SMAD9: variants seen among roughly 807,000 people sequenced by gnomAD.
SMAD9 encodes the protein SMAD family member 9.
A neutral mutation model predicts 46.1 loss-of-function variants in SMAD9; 36 were observed. That is an observed-to-expected ratio of 0.78 (90% CI 0.60 to 1.03). The LOEUF (loss-of-function observed/expected upper bound fraction) is 1.03. Ranked by LOEUF, SMAD9 falls within the 50% of genes least tolerant of loss-of-function variation. The pLI, the probability that SMAD9 is intolerant of heterozygous loss-of-function variation, is 0.00. For missense variants in SMAD9, 572 were observed against 599.8 expected (o/e 0.95, Z 0.48); for synonymous variants, 245 against 237.1 (o/e 1.03, Z -0.31).
chr13:36,904,040 C>T (rs2058599253), intron 1 of SMAD9, among the ~76,000 whole-genome samples: 1 of 151,928 alleles, frequency 6.6e-6, no homozygotes, highest in Admixed American at 6.6e-5. Context: ...ATGTAAACTG[C>T]CACTGAATAA....
chr13:36,869,239 T>C (rs530495801), intron 3 of SMAD9, among the ~76,000 whole-genome samples: 1 of 141,226 alleles, frequency 7.1e-6, no homozygotes, highest in South Asian at 2.3e-4. Flanking sequence ...CAGATTGTAC[T>C]TTTTTTTTTT....
intron 1 of SMAD9, among the ~76,000 whole-genome samples, chr13:36,882,296 GA>G (rs148514173): frequency 0.018 from 2,742 of 151,392 alleles, 77 homozygotes; most frequent in African/African-American, 0.063. Flanking sequence ...GGTTACAATG[GA>G]AAATTTACTT....
intron 1 of SMAD9, among the ~76,000 whole-genome samples, chr13:36,894,367 C>T (rs554415611): frequency 9.2e-5 from 14 of 152,182 alleles, no homozygotes; most frequent in African/African-American, 1.9e-4. Flanking sequence ...TCTTGTCTGC[C>T]GCCATGAAAG....
intron 2 of SMAD9, among the ~76,000 whole-genome samples, chr13:36,873,325 C>A (rs1020162722): frequency 6.6e-6 from 1 of 152,096 alleles, no homozygotes; most frequent in Non-Finnish European, 1.5e-5. Context: ...CCAAATAAGT[C>A]TTTTTTTCCC....
chr13:36,857,319 C>G (rs1174603349), intron 5 of SMAD9, among the ~76,000 whole-genome samples: 1 of 152,196 alleles, frequency 6.6e-6, no homozygotes, highest in Non-Finnish European at 1.5e-5. Flanking sequence ...GTTCTAACTC[C>G]TAGCAATAAG....
At position 36,872,726 on chromosome 13, in the gene SMAD9, G is replaced by C; in HGVS notation, c.602C>G (p.Pro201Arg). The change falls in exon 3 of 7, where the codon CCG becomes CGG. Residue 201 changes from proline (P) to arginine (R), a missense_variant. Physicochemically the swap from Pro to Arg is moderately radical, Grantham distance 103 (BLOSUM62 -2). Transcript: ENST00000379826. The part of the protein sequence containing the change: ...PSPSHAFSQS[P>R]CTASYPHSPG... The stretch of plus-strand genomic sequence containing the variant: ...GGAGTGAGGGTAGCTGGCCGTGCAC[G>C]GGGACTGGGAGAACGCGTGGCTGGG... 1 of 1,613,996 alleles carries C rather than the reference G, an allele frequency of 6.2e-7. No homozygotes were observed. Among genetic ancestry groups the C allele is most frequent in the Non-Finnish European group, 8.5e-7 (1 of 1,179,992 alleles).
At chr13:36,915,947 ACAT>A (rs1406115956) in intron 1 of SMAD9, among the ~76,000 whole-genome samples, 4 of 152,216 alleles carry the variant, frequency 2.6e-5, no homozygotes, top group African/African-American at 4.8e-5. Context: ...CTATTTTTTC[ACAT>A]CATATTAACT....
intron 5 of SMAD9, among the ~76,000 whole-genome samples, chr13:36,860,978 C>T (rs1475205414): frequency 6.6e-6 from 1 of 152,144 alleles, no homozygotes; most frequent in African/African-American, 2.4e-5. Context: ...CTGTTAGTAG[C>T]TATTTAAAGC....
At chr13:36,852,603 T>C in intron 6 of SMAD9, 1 of 979,752 alleles carries the variant, frequency 1.0e-6, no homozygotes, top group African/African-American at 1.7e-5. Context: ...CCCGTTTCTA[T>C]TCCAAATTGT....
At chr13:36,886,439 A>G (rs1325339934) in intron 1 of SMAD9, among the ~76,000 whole-genome samples, 1 of 152,232 alleles carries the variant, frequency 6.6e-6, no homozygotes, top group African/African-American at 2.4e-5. Context: ...TCAATCTCCA[A>G]AACGTTGTGG....
chr13:36,889,579 A>C (rs181251320), intron 1 of SMAD9, among the ~76,000 whole-genome samples: 84 of 152,300 alleles, frequency 5.5e-4, no homozygotes, highest in Admixed American at 9.2e-4. Context: ...TATTTTTATT[A>C]GACTGCTTTG....
chr13:36,889,384 CCTTT>C (rs1335876346), intron 1 of SMAD9, among the ~76,000 whole-genome samples: 3 of 152,276 alleles, frequency 2.0e-5, no homozygotes, highest in Non-Finnish European at 4.4e-5. Context: ...GTAGTGACCA[CCTTT>C]CTAACAGGGA....
chr13:36,848,582 T>G lies in SMAD9; in HGVS notation c.*94A>C. On this transcript the variant is annotated 3_prime_UTR_variant, in exon 7 of 7. Transcript: ENST00000379826. ...AGTATACATTCTATGTATTTACACA[T>G]GTTTTTAGAAACTTCAGTTGCAAAT... The G allele has an allele frequency of 8.6e-7, 1 of 1,167,508 alleles. No individual in the cohort carries two copies. The highest frequency in any genetic ancestry group is 1.3e-6 in the Non-Finnish European group (1 of 773,814). 72.3% of individuals were successfully genotyped at this position (1,167,508 alleles called of 1,614,324 possible).
chr13:36,910,053 C>T (rs1203489295), intron 1 of SMAD9, among the ~76,000 whole-genome samples: 3 of 151,956 alleles, frequency 2.0e-5, no homozygotes, highest in African/African-American at 7.3e-5. Context: ...AAAAATTATC[C>T]GGGCGTGGTG....
At chr13:36,897,528 A>G (rs2058538333) in intron 1 of SMAD9, among the ~76,000 whole-genome samples, 1 of 152,226 alleles carries the variant, frequency 6.6e-6, no homozygotes, top group Non-Finnish European at 1.5e-5. Context: ...CAATATATTC[A>G]TGACTGTCTA....
At position 36,899,565 on chromosome 13, in the gene SMAD9, C is replaced by T. The variant is rs560590164; in HGVS notation, c.-186-19690G>A. ...AAATTCAGGAGGAACTAAATGAAGT[C>T]GGGGGTAACACAGATGCAAAGACAT... On this transcript the variant is annotated intron_variant, in intron 1 of 6. Transcript: ENST00000379826. 3.9e-4 allele frequency among the ~76,000 whole-genome samples: 60 copies of T among 152,172 alleles called. 1 individual carries two copies. The South Asian group carries it at 8.5e-3, about 22-fold the overall frequency.
chr13:36,914,310 G>A (rs892301806), intron 1 of SMAD9, among the ~76,000 whole-genome samples: 1 of 152,162 alleles, frequency 6.6e-6, no homozygotes, highest in African/African-American at 2.4e-5. Flanking sequence ...ATGAGGTCAG[G>A]AGATCGAGAC....
At chr13:36,880,879 TA>T (rs879718847) in intron 1 of SMAD9, among the ~76,000 whole-genome samples, 16 of 152,336 alleles carry the variant, frequency 1.1e-4, no homozygotes, top group Admixed American at 2.0e-4. Context: ...ATTCAATCAA[TA>T]TTTTTTTAAT....
At chr13:36,854,441 C>T (rs2058103716) in intron 5 of SMAD9, among the ~76,000 whole-genome samples, 1 of 151,828 alleles carries the variant, frequency 6.6e-6, no homozygotes, top group Non-Finnish European at 1.5e-5. Context: ...GATTTCAGCT[C>T]ACTGCAACCT....
Sources: allele counts gnomAD v4.1 joint callset (sites outside exome capture counted in the v4.1 genomes callset), GRCh38; gene constraint gnomAD v4.1.1; transcripts MANE v1.5; gene names NCBI Gene and HGNC (gene_info 2026-07-23, HGNC 2026-07-21).